The following SLIT3 variants were observed in gnomAD, a reference collection of about 807,000 sequenced individuals.
SLIT3 encodes slit guidance ligand 3.
In SLIT3, 68 loss-of-function variants were observed where a neutral mutation model predicts 184.0. That is an observed-to-expected ratio of 0.37 (90% CI 0.30 to 0.45). The LOEUF is 0.45. Among genes scored for constraint, SLIT3 ranks in the 20% least tolerant of loss-of-function variants. SLIT3 has a pLI of 1.00. For synonymous variants in SLIT3, 831 were observed against 828.6 expected (o/e 1.00, Z -0.05); for missense variants, 1,707 against 2,026.0 (o/e 0.84, Z 3.02).
At chr5:168,708,174 C>G in intron 25 of SLIT3, 74 bp from the exon 26 acceptor site, 1 of 1,603,414 alleles carries the variant, frequency 6.2e-7, no homozygotes, top group East Asian at 2.2e-5. Flanking sequence ...CCCCTCTGCT[C>G]TGGGCCCTCC....
At chr5:168,994,426 G>A (rs752638165) in intron 4 of SLIT3, among the ~76,000 whole-genome samples, 2 of 151,888 alleles carry the variant, frequency 1.3e-5, no homozygotes, top group Admixed American at 1.3e-4. Context: ...CCATAAAGGC[G>A]AAAGGTACCA....
At chr5:168,932,982 A>G (rs997421108) in intron 4 of SLIT3, among the ~76,000 whole-genome samples, 2 of 152,230 alleles carry the variant, frequency 1.3e-5, no homozygotes, top group African/African-American at 4.8e-5. Flanking sequence ...TTCCACATGA[A>G]TAATACTGGC....
chr5:169,096,372 T>C (rs572535828), intron 4 of SLIT3, among the ~76,000 whole-genome samples: 1 of 152,358 alleles, frequency 6.6e-6, no homozygotes, highest in South Asian at 2.1e-4. Flanking sequence ...TTTATTGTTT[T>C]CTAATTGTTT....
chr5:169,144,315 A>C (rs1428966299), intron 4 of SLIT3, among the ~76,000 whole-genome samples: 4 of 152,074 alleles, frequency 2.6e-5, no homozygotes, highest in African/African-American at 7.2e-5. Context: ...TCGGCCCCCA[A>C]GTCCCTTTGT....
chr5:168,854,408 C>A, intron 5 of SLIT3, among the ~76,000 whole-genome samples: 1 of 103,686 alleles, frequency 9.6e-6, no homozygotes, highest in Non-Finnish European at 1.9e-5. Flanking sequence ...CTCCTTGTCT[C>A]TCAGATTCCT....
At chr5:168,865,815 A>G (rs1452690895) in intron 5 of SLIT3, among the ~76,000 whole-genome samples, 1 of 152,208 alleles carries the variant, frequency 6.6e-6, no homozygotes, top group Non-Finnish European at 1.5e-5. Flanking sequence ...AAATATATAC[A>G]TATATAAAAT....
intron 4 of SLIT3, among the ~76,000 whole-genome samples, chr5:168,887,085 G>A (rs1760248627): frequency 6.6e-6 from 1 of 152,032 alleles, no homozygotes; most frequent in Non-Finnish European, 1.5e-5. Context: ...TGGATTGAAA[G>A]GCTGTCTAGT....
intron 4 of SLIT3, among the ~76,000 whole-genome samples, chr5:169,063,543 C>A (rs991163642): frequency 2.0e-5 from 3 of 152,224 alleles, no homozygotes; most frequent in African/African-American, 7.2e-5. Flanking sequence ...GGTCTTTACA[C>A]CCTGCTGGGG....
At chr5:168,670,115 G>C (rs4868094) in intron 34 of SLIT3, 124 bp from the exon 35 acceptor site, 4 of 770,710 alleles carry the variant, frequency 5.2e-6, no homozygotes, top group Non-Finnish European at 8.7e-6. Context: ...AGCTTTCTCT[G>C]TTTCCTAGGC....
chr5:168,780,030 G>A (rs1755913533), intron 12 of SLIT3, among the ~76,000 whole-genome samples: 1 of 152,214 alleles, frequency 6.6e-6, no homozygotes, highest in Non-Finnish European at 1.5e-5. Flanking sequence ...TTTTTGCAAA[G>A]TTTGGAAAAC....
intron 7 of SLIT3, among the ~76,000 whole-genome samples, chr5:168,820,165 T>C (rs1208432453): frequency 6.6e-6 from 1 of 152,190 alleles, no homozygotes; most frequent in Non-Finnish European, 1.5e-5. Context: ...GAAGGGACAT[T>C]ATTTTAATTA....
intron 4 of SLIT3, among the ~76,000 whole-genome samples, chr5:168,945,584 C>A (rs531539794): frequency 1.1e-4 from 16 of 152,330 alleles, no homozygotes; most frequent in Admixed American, 5.9e-4. Context: ...CTGGCCTGGC[C>A]TCTCCACAGA....
chr5:168,662,527 G>C lies in SLIT3; in HGVS notation c.*3927C>G, dbSNP rs1311012651. The C allele has an allele frequency of 1.3e-5, 2 of 152,006 alleles. No homozygotes were observed. The highest frequency in any genetic ancestry group is 1.9e-4 in the East Asian group (1 of 5,182). 9.4% of individuals were successfully genotyped at this position (152,006 alleles called of 1,614,324 possible). A position where few individuals can be genotyped will look rare whatever the true frequency, so the allele number is the denominator to read the frequency against. ...TTCTTCTCATCTTTTTGAAGCATCAGACTTGAGTTCCTTGCTATGAGATTG... is the reference window on the plus strand; with the variant it reads ...TTCTTCTCATCTTTTTGAAGCATCACACTTGAGTTCCTTGCTATGAGATTG... On this transcript the variant is annotated 3_prime_UTR_variant, in exon 36 of 36. Transcript: ENST00000519560.
At chr5:169,154,198 G>T (rs1291108947) in intron 4 of SLIT3, among the ~76,000 whole-genome samples, 5 of 152,100 alleles carry the variant, frequency 3.3e-5, no homozygotes, top group Admixed American at 1.3e-4. Context: ...CTGACCTCGT[G>T]ATCCACCCAC....
rs773063928 is a variant in SLIT3 at position 168,752,897 on chromosome 5, G to T, written c.1973+58C>A. 7 of 1,540,284 alleles carry T rather than the reference G, an allele frequency of 4.5e-6. No homozygotes were observed. In the African/African-American group the frequency reaches 9.5e-5, roughly 21 times the overall value. The stretch of plus-strand genomic sequence containing the variant: ...TAGAGGTAGCAGGGAGCTGGGAGGA[G>T]AGAGCGCTGCAGAGTGGGATCCCAG... On this transcript the variant is annotated intron_variant, in intron 18 of 35. Transcript: ENST00000519560.
chr5:168,939,032 T>C (rs988779574), intron 4 of SLIT3, among the ~76,000 whole-genome samples: 1 of 152,096 alleles, frequency 6.6e-6, no homozygotes, highest in Non-Finnish European at 1.5e-5. Flanking sequence ...GACAATGATA[T>C]GGAAAAATCT....
Position 168,690,783 on chromosome 5 carries a change from T to A in SLIT3, c.3176+1824A>T, listed in dbSNP as rs975898668. On this transcript the variant is annotated intron_variant, in intron 29 of 35. Coordinates refer to ENST00000519560, the MANE Select transcript of SLIT3 (RefSeq NM_003062.4). The stretch of plus-strand genomic sequence containing the variant: ...GGTAGACACATGGAAGGGCTGAAGC[T>A]TCATTTGGTCTCATTGAGCAACCAG... Among the ~76,000 whole-genome samples, 6 of 104,464 alleles carry A rather than the reference T, an allele frequency of 5.7e-5. No homozygotes were observed. In the Admixed American group the frequency reaches 6.1e-4, roughly 11 times the overall value. The allele number at this position is 104,464 out of a possible 152,430, so 68.5% of individuals were successfully genotyped here. A position where few individuals can be genotyped will look rare whatever the true frequency, so the allele number is the denominator to read the frequency against.
intron 35 of SLIT3, chr5:168,666,899 T>A: frequency 6.6e-6 from 5 of 761,290 alleles, no homozygotes; most frequent in Non-Finnish European, 1.1e-5. Context: ...GGCTTACACC[T>A]AAGCCGTGAG....
intron 31 of SLIT3, 33 bp from the exon 32 acceptor site, chr5:168,684,129 G>T: frequency 6.5e-7 from 1 of 1,535,830 alleles, no homozygotes; most frequent in Non-Finnish European, 8.8e-7. Context: ...GTTAGTAAGG[G>T]CTTACCTGAG....
Sources: gnomAD v4.1 joint callset for allele counts (sites outside exome capture counted in the v4.1 genomes callset) on GRCh38, gnomAD v4.1.1 for gene constraint, MANE v1.5 for transcripts, NCBI Gene and HGNC (gene_info 2026-07-23, HGNC 2026-07-21) for gene names.